ZNF638: variants seen among roughly 807,000 people sequenced by gnomAD.
ZNF638 encodes zinc finger protein 638, also known as CTCL tumor antigen se33-1.
Under a neutral mutation model 195.6 loss-of-function variants are expected in ZNF638, and 46 were observed. The observed-to-expected ratio is 0.24, with a 90% CI of 0.19 to 0.30. ZNF638 has a LOEUF of 0.30. Ranked by LOEUF, ZNF638 falls within the 10% of genes least tolerant of loss-of-function variation. The pLI is 1.00. For missense variants in ZNF638, 2,440 were observed against 2,325.3 expected, an observed-to-expected ratio of 1.05 and a Z score of -1.01; for synonymous variants, 845 against 772.0, an observed-to-expected ratio of 1.09 and a Z score of -1.57.
intron 3 of ZNF638, among the ~76,000 whole-genome samples, chr2:71,357,901 G>GTCAA (rs1452154874): frequency 4.0e-5 from 1 of 24,880 alleles, no homozygotes; most frequent in Non-Finnish European, 8.8e-5. Flanking sequence ...GGAACCCTGT[G>GTCAA]TCAAGTCTAC....
At chr2:71,381,007 T>G (rs937656811) in intron 10 of ZNF638, 19 of 152,812 alleles carry the variant, frequency 1.2e-4, no homozygotes, top group African/African-American at 4.6e-4. Flanking sequence ...ATCATACTCA[T>G]GTACTAAAAG....
intron 10 of ZNF638, among the ~76,000 whole-genome samples, chr2:71,391,657 GTTAAA>G (rs1385480063): frequency 6.6e-6 from 1 of 152,158 alleles, no homozygotes; most frequent in Non-Finnish European, 1.5e-5. Flanking sequence ...ACCTCAAAAG[GTTAAA>G]TTAAATACTA....
intron 21 of ZNF638, among the ~76,000 whole-genome samples, chr2:71,420,210 T>C (rs1486454749): frequency 6.6e-6 from 1 of 151,778 alleles, no homozygotes; most frequent in Non-Finnish European, 1.5e-5. Context: ...CTACATGCAC[T>C]TGTTTTGTTT....
chr2:71,352,088 T>G (rs2078949944), intron 2 of ZNF638, among the ~76,000 whole-genome samples: 1 of 152,206 alleles, frequency 6.6e-6, no homozygotes. Context: ...CTAAATGCAC[T>G]AAGTCTGTCT....
chr2:71,365,417 T>C lies in ZNF638; in HGVS notation c.1718-12T>C, dbSNP rs940664657. On this transcript the variant is annotated splice_polypyrimidine_tract_variant and intron_variant, in intron 5 of 27. Transcript: ENST00000264447. ...TTTTCCAATTGAAATTATATTTATA[T>C]CTTTTTACTAGATAGAAAAAAAGCA... is the stretch of plus-strand genomic sequence containing the variant. 7.7e-6 allele frequency: 12 copies of C among 1,552,910 alleles called. No individual in the cohort carries two copies. Among genetic ancestry groups the C allele is most frequent in the Non-Finnish European group, 1.0e-5 (12 of 1,153,936 alleles).
Position 71,331,861 on chromosome 2 carries a change from G to A in ZNF638, c.-217G>A. On this transcript the variant is annotated 5_prime_UTR_variant, in exon 1 of 28. An upstream open reading frame in the 5' UTR loses its in-frame stop. Transcript: ENST00000264447. ...GGGCGCGGATGGGATCCAGCTGTTAGTCGGGTAGGCATAGGTAGGACCGCT... is the reference window on the plus strand; with the variant it reads ...GGGCGCGGATGGGATCCAGCTGTTAATCGGGTAGGCATAGGTAGGACCGCT... 1 of 986,380 alleles carries A rather than the reference G, an allele frequency of 1.0e-6. No individual in the cohort carries two copies. The highest frequency in any genetic ancestry group is 1.2e-6 in the Non-Finnish European group (1 of 830,332). 61.1% of individuals were successfully genotyped at this position (986,380 alleles called of 1,614,324 possible). A position where few individuals can be genotyped will look rare whatever the true frequency, so the allele number is the denominator to read the frequency against.
intron 21 of ZNF638, among the ~76,000 whole-genome samples, chr2:71,420,584 T>C (rs1258669789): frequency 6.6e-6 from 1 of 152,196 alleles, no homozygotes; most frequent in Admixed American, 6.5e-5. Flanking sequence ...CTGAAGGCTG[T>C]GAAATTCTGG....
chr2:71,369,385 TC>T (rs1329809523), intron 7 of ZNF638, among the ~76,000 whole-genome samples: 2 of 150,798 alleles, frequency 1.3e-5, no homozygotes, highest in African/African-American at 4.9e-5. Context: ...AAGTCTGTAA[TC>T]CCAGTACTTT....
chr2:71,349,504 C>A lies in ZNF638; in HGVS notation c.550C>A (p.Arg184Ser). The A allele has an allele frequency of 3.7e-6, 6 of 1,614,002 alleles. No individual in the cohort carries two copies. The highest frequency in any genetic ancestry group is 4.2e-6 in the Non-Finnish European group (5 of 1,180,020). Residue 184 changes from arginine (R) to serine (S), a missense_variant, in exon 2 of 28, where the codon CGC becomes AGC. This residue lies in a region of ZNF638 where 305 missense variants were observed against 283.6 expected (regional missense o/e 1.08). Transcript: ENST00000264447. ...GGATATAAGAATGCGAAAAATGGGG[C>A]GCCGATTACCTAATTTACCTTCTCA... The part of the protein sequence containing the change: ...LRDIRMRKMG[R>S]RLPNLPSQSR...
At chr2:71,424,788 T>G in intron 23 of ZNF638, 73 bp downstream of exon 23, 6 of 1,258,442 alleles carry the variant, frequency 4.8e-6, no homozygotes, top group Non-Finnish European at 6.8e-6. Flanking sequence ...TTATAACTTG[T>G]GCCTGCCTTA....
chr2:71,431,946 G>A (rs2080674544), intron 26 of ZNF638, among the ~76,000 whole-genome samples: 1 of 152,156 alleles, frequency 6.6e-6, no homozygotes, highest in Non-Finnish European at 1.5e-5. Context: ...CTTGAAATCT[G>A]GGATGTATCT....
In ZNF638 at chr2:71,369,935, T is replaced by C; in HGVS notation, c.2195T>C (p.Ile732Thr). ...GCAATTACTGCAATTATGAAGTACATTGAAACAACACCTCTTACGATAAAA... is the reference window on the plus strand; with the variant it reads ...GCAATTACTGCAATTATGAAGTACACTGAAACAACACCTCTTACGATAAAA... ...KEAITAIMKYIETTPLTIKGK... is the reference protein window; with the variant it reads ...KEAITAIMKYTETTPLTIKGK... Residue 732 changes from isoleucine (I) to threonine (T), a missense_variant, in exon 8 of 28, where the codon ATT (isoleucine) becomes ACT (threonine). Physicochemically the swap from Ile to Thr is moderately conservative, Grantham distance 89. This residue lies in a region of ZNF638 where 1,883 missense variants were observed against 1,739.1 expected (regional missense o/e 1.08). Transcript: ENST00000264447. The C allele has an allele frequency of 6.3e-7, 1 of 1,598,386 alleles. No homozygotes were observed. The highest frequency in any genetic ancestry group is 8.5e-7 in the Non-Finnish European group (1 of 1,175,362).
chr2:71,362,965 A>C (rs1357027886), intron 3 of ZNF638, among the ~76,000 whole-genome samples, 188 bp from the exon 4 acceptor site: 1 of 152,170 alleles, frequency 6.6e-6, no homozygotes, highest in East Asian at 1.9e-4. Context: ...CCTTTAAAGT[A>C]TGGGGAGTGT....
At chr2:71,426,130 C>G (rs6752763) in intron 23 of ZNF638, among the ~76,000 whole-genome samples, 12,537 of 152,092 alleles carry the variant, frequency 0.082, 579 homozygotes, top group East Asian at 0.14. Flanking sequence ...AACAGTAAAT[C>G]CTTTGTACTG....
intron 3 of ZNF638, among the ~76,000 whole-genome samples, chr2:71,356,454 A>G (rs1308443050): frequency 1.3e-5 from 2 of 152,212 alleles, no homozygotes; most frequent in East Asian, 3.8e-4. Flanking sequence ...TTATTGGGCA[A>G]ATGGATTTGA....
At chr2:71,360,853 C>T (rs2079097226) in intron 3 of ZNF638, among the ~76,000 whole-genome samples, 1 of 152,106 alleles carries the variant, frequency 6.6e-6, no homozygotes, top group African/African-American at 2.4e-5. Context: ...TTCTGAAGCA[C>T]ATTTTTGACT....
At chr2:71,351,582 TAATC>T (rs1266262931) in intron 2 of ZNF638, among the ~76,000 whole-genome samples, 1 of 152,196 alleles carries the variant, frequency 6.6e-6, no homozygotes, top group Non-Finnish European at 1.5e-5. Flanking sequence ...AACTTTTAAT[TAATC>T]ATAATGAATC....
intron 10 of ZNF638, among the ~76,000 whole-genome samples, chr2:71,383,222 C>T (rs563929136): frequency 7.1e-4 from 108 of 152,062 alleles, no homozygotes; most frequent in Admixed American, 3.9e-4. Flanking sequence ...GGCCGAGGCA[C>T]GAGAGTCTCT....
In ZNF638 at chr2:71,395,970, C is replaced by G. The variant is rs961860268; in HGVS notation, c.2378-171C>G. ...TAAATCTGTATGCCTTTTGATACAT[C>G]AAGTCCATATCTAAGAATTTGCCCC... On this transcript the variant is annotated intron_variant, in intron 10 of 27. Coordinates refer to ENST00000264447, the MANE Select transcript of ZNF638 (RefSeq NM_014497.5). 19 of 645,514 alleles carry G rather than the reference C, an allele frequency of 2.9e-5. 1 individual carries two copies. The South Asian group carries it at 3.0e-4, about 10-fold the overall frequency. The allele number at this position is 645,514 out of a possible 1,614,324, so 40.0% of individuals were successfully genotyped here.
Sources: allele counts gnomAD v4.1 joint callset (sites outside exome capture counted in the v4.1 genomes callset), GRCh38; gene constraint gnomAD v4.1.1; regional missense constraint gnomAD v4.1.1; transcripts MANE v1.5; gene names NCBI Gene and HGNC (gene_info 2026-07-23, HGNC 2026-07-21).